SLC1A1: variants seen among roughly 807,000 people sequenced by gnomAD.
SLC1A1 encodes the protein excitatory amino acid transporter 3.
Under a neutral mutation model 53.3 loss-of-function variants are expected in SLC1A1, and 43 were observed. The ratio of observed to expected loss-of-function variants is 0.81; its 90% CI spans 0.63 to 1.04. SLC1A1 has a LOEUF of 1.04. Ranked by LOEUF, SLC1A1 falls within the 50% of genes least tolerant of loss-of-function variation. The pLI is 0.00. For missense variants in SLC1A1, 748 were observed against 664.9 expected (o/e 1.12, Z -1.37); for synonymous variants, 307 against 243.2 (o/e 1.26, Z -2.44).
chr9:4,530,989 T>G (rs1816446721), intron 1 of SLC1A1, among the ~76,000 whole-genome samples: 2 of 152,184 alleles, frequency 1.3e-5, no homozygotes, highest in African/African-American at 2.4e-5. Flanking sequence ...TTGGAGCATT[T>G]AATAGTTGGC....
At chr9:4,491,130 C>T (rs1820220919) in intron 1 of SLC1A1, among the ~76,000 whole-genome samples, 2 of 152,228 alleles carry the variant, frequency 1.3e-5, no homozygotes, top group Admixed American at 1.3e-4. Context: ...GTATCTCCCC[C>T]TATCACCGCC....
At chr9:4,519,592 C>T (rs576638508) in intron 1 of SLC1A1, among the ~76,000 whole-genome samples, 1 of 152,294 alleles carries the variant, frequency 6.6e-6, no homozygotes, top group East Asian at 1.9e-4. Flanking sequence ...ATTTATTGAG[C>T]CTTCCTGCAG....
intron 1 of SLC1A1, among the ~76,000 whole-genome samples, chr9:4,499,516 G>A (rs1369826205): frequency 2.6e-5 from 4 of 152,172 alleles, no homozygotes; most frequent in Non-Finnish European, 5.9e-5. Context: ...CAGATTTGAA[G>A]CATCACTGAA....
Position 4,508,584 on chromosome 9 carries a change from A to G in SLC1A1, c.91+17814A>G, listed in dbSNP as rs554016581. Among the ~76,000 whole-genome samples, 33 of 152,320 alleles carry G rather than the reference A, an allele frequency of 2.2e-4. No individual in the cohort carries two copies. The South Asian group carries it at 6.6e-3, about 31-fold the overall frequency. ...GCACCATAGCCATTGTAAAAGGAGA[A>G]CATCTCACAAGTCAGGAGTTACTGG... On this transcript the variant is annotated intron_variant, in intron 1 of 11. Transcript: ENST00000262352.
chr9:4,518,253 A>AG, intron 1 of SLC1A1, among the ~76,000 whole-genome samples: 1 of 151,154 alleles, frequency 6.6e-6, no homozygotes, highest in Non-Finnish European at 1.5e-5. Flanking sequence ...AAAAAAAAAA[A>AG]AAAAAAGAAT....
chr9:4,505,477 C>T (rs982406651), intron 1 of SLC1A1, among the ~76,000 whole-genome samples: 1 of 152,132 alleles, frequency 6.6e-6, no homozygotes, highest in African/African-American at 2.4e-5. Context: ...TAGAAATGAG[C>T]TCCCAGAAAA....
At chr9:4,498,360 G>T (rs1820512959) in intron 1 of SLC1A1, among the ~76,000 whole-genome samples, 2 of 152,086 alleles carry the variant, frequency 1.3e-5, no homozygotes, top group African/African-American at 2.4e-5. Context: ...GTAATAGAAG[G>T]TCTAATATAT....
intron 1 of SLC1A1, among the ~76,000 whole-genome samples, chr9:4,492,479 CAAAAAA>C (rs34199207): frequency 5.2e-5 from 5 of 96,352 alleles, no homozygotes; most frequent in African/African-American, 1.2e-4. Flanking sequence ...AAGAATCCAC[CAAAAAA>C]AAAAAAAAAA....
intron 11 of SLC1A1, among the ~76,000 whole-genome samples, chr9:4,584,903 C>T (rs541749265): frequency 9.9e-4 from 150 of 152,142 alleles, no homozygotes; most frequent in Non-Finnish European, 1.7e-3. Flanking sequence ...CATACTCCAC[C>T]CACAAAACAC....
intron 2 of SLC1A1, among the ~76,000 whole-genome samples, chr9:4,557,142 C>CA (rs954741551): frequency 6.6e-6 from 1 of 152,116 alleles, no homozygotes; most frequent in Non-Finnish European, 1.5e-5. Context: ...CGATTACTTG[C>CA]AAAAATGCAG....
chr9:4,543,955 G>A (rs1482124487), intron 1 of SLC1A1, among the ~76,000 whole-genome samples: 1 of 152,186 alleles, frequency 6.6e-6, no homozygotes, highest in Non-Finnish European at 1.5e-5. Flanking sequence ...GAGGTGGGCA[G>A]ATCACTTGAG....
intron 1 of SLC1A1, among the ~76,000 whole-genome samples, chr9:4,511,134 T>C (rs1820985028): frequency 6.6e-6 from 1 of 152,226 alleles, no homozygotes; most frequent in Non-Finnish European, 1.5e-5. Flanking sequence ...CAGAAATCAC[T>C]TTAAAAACTG....
At chr9:4,532,488 T>G (rs1374759166) in intron 1 of SLC1A1, among the ~76,000 whole-genome samples, 1 of 151,796 alleles carries the variant, frequency 6.6e-6, no homozygotes, top group Non-Finnish European at 1.5e-5. Flanking sequence ...ATGAATGAAA[T>G]GAAGTGAGAA....
In SLC1A1 at chr9:4,536,427, C is replaced by G. The variant is rs190954905; in HGVS notation, c.92-8140C>G. On this transcript the variant is annotated intron_variant, in intron 1 of 11. Coordinates refer to ENST00000262352, the MANE Select transcript of SLC1A1 (RefSeq NM_004170.6). ...CAAAAGAAGACATTTATGCAGCCAA[C>G]AGACACATGAAAAAATGCTGATCAT... Among the ~76,000 whole-genome samples, 11 of 152,246 alleles carry G rather than the reference C, an allele frequency of 7.2e-5. No homozygotes were observed. In the East Asian group the frequency reaches 1.9e-3, roughly 27 times the overall value.
rs572020854 is a variant in SLC1A1 at position 4,544,842 on chromosome 9, G to A, written c.232+135G>A. 39 of 781,184 alleles carry A rather than the reference G, an allele frequency of 5.0e-5. No homozygotes were observed. In the African/African-American group the frequency reaches 6.4e-4, roughly 13 times the overall value. 48.4% of individuals were successfully genotyped at this position (781,184 alleles called of 1,614,324 possible). On this transcript the variant is annotated intron_variant, in intron 2 of 11. Transcript: ENST00000262352. ...TTCATCCTGGCTCAGAAGGTCTCAG[G>A]AAACTCACAATCATGGCGGAAGGCA...
At position 4,567,671 on chromosome 9, in the gene SLC1A1, C is replaced by A; in HGVS notation, c.486C>A (p.Tyr162Ter). 1 of 1,607,334 alleles carries A rather than the reference C, an allele frequency of 6.2e-7. No homozygotes were observed. Among genetic ancestry groups the A allele is most frequent in the Non-Finnish European group, 8.5e-7 (1 of 1,174,176 alleles). Residue 162 changes from tyrosine to a stop codon, truncating the protein, a stop_gained and splice_region_variant, in exon 6 of 12, where the codon TAC becomes TAA. Transcript: ENST00000262352. LOFTEE classifies it high-confidence loss of function. ...ENLVQACFQQ[Y>*]KTKREEVKPP... ...CCTTGATTTTCTCCAACATGCAGTA[C>A]AAAACTAAGCGTGAAGAAGTGAAGC...
At position 4,522,012 on chromosome 9, in the gene SLC1A1, A is replaced by G. The variant is rs116514912; in HGVS notation, c.92-22555A>G. Among the ~76,000 whole-genome samples, 630 of 148,064 alleles carry G rather than the reference A, an allele frequency of 4.3e-3. 10 individuals carry two copies. The highest frequency in any genetic ancestry group is 0.015 in the African/African-American group (601 of 40,236). ...GCCCATTTCCTTCTTTGTTATTCCAAGTATACTTCTAATGAATCAGAACCT... is the reference window on the plus strand; with the variant it reads ...GCCCATTTCCTTCTTTGTTATTCCAGGTATACTTCTAATGAATCAGAACCT... On this transcript the variant is annotated intron_variant, in intron 1 of 11. Coordinates refer to ENST00000262352, the MANE Select transcript of SLC1A1 (RefSeq NM_004170.6).
At chr9:4,523,689 G>C (rs1816163128) in intron 1 of SLC1A1, among the ~76,000 whole-genome samples, 1 of 152,212 alleles carries the variant, frequency 6.6e-6, no homozygotes. Context: ...TCTATAAAGA[G>C]TATATAGCCT....
intron 1 of SLC1A1, among the ~76,000 whole-genome samples, chr9:4,497,612 G>A (rs1820479908): frequency 6.6e-6 from 1 of 152,158 alleles, no homozygotes; most frequent in South Asian, 2.1e-4. Context: ...ATTCTCCTCT[G>A]CCTGTTTCAG....
Sources: gnomAD v4.1 joint callset for allele counts (sites outside exome capture counted in the v4.1 genomes callset) on GRCh38, gnomAD v4.1.1 for gene constraint, MANE v1.5 for transcripts, NCBI Gene and HGNC (gene_info 2026-07-23, HGNC 2026-07-21) for gene names.